The following LRP1B variants were observed in gnomAD, a reference collection of about 807,000 sequenced individuals.
LRP1B encodes low-density lipoprotein receptor-related protein 1B.
In LRP1B, 217 loss-of-function variants were observed where a neutral mutation model predicts 556.6. That is an observed-to-expected ratio of 0.39 (90% confidence interval 0.35 to 0.44). The LOEUF (loss-of-function observed/expected upper bound fraction) is 0.44, where lower values mean the gene tolerates loss of function less well. LRP1B is among the 20% of genes least tolerant of loss of function. The pLI, the probability that LRP1B is intolerant of heterozygous loss-of-function variation, is 1.00. For missense variants in LRP1B, 5,053 were observed against 5,620.8 expected (o/e 0.90, Z 3.23); for synonymous variants, 2,047 against 1,865.8 (o/e 1.10, Z -2.50).
chr2:141,969,733 A>G (rs1701672899), intron 1 of LRP1B, among the ~76,000 whole-genome samples: 1 of 151,644 alleles, frequency 6.6e-6, no homozygotes, highest in Non-Finnish European at 1.5e-5. Context: ...TCTCTTCGAC[A>G]TACTGATTTC....
rs71391651 is a variant in LRP1B, at chr2:141,464,606, A to ATTTTTTTTTTTTTTTTTT, written c.343+15789_343+15790insAAAAAAAAAAAAAAAAAA. Among the ~76,000 whole-genome samples, 396 of 90,364 alleles carry ATTTTTTTTTTTTTTTTTT rather than the reference A, an allele frequency of 4.4e-3. 15 individuals are homozygous for ATTTTTTTTTTTTTTTTTT. Among genetic ancestry groups the ATTTTTTTTTTTTTTTTTT allele is most frequent in the East Asian group, 0.036 (127 of 3,554 alleles). 59.3% of individuals were successfully genotyped at this position (90,364 alleles called of 152,430 possible). The stretch of plus-strand genomic sequence containing the variant: ...TTTGTATATATATATATATATATAT[A>ATTTTTTTTTTTTTTTTTT]TTTTTTTAGTAGAGATGGGGTTTCA... On this transcript the variant is annotated intron_variant, in intron 3 of 90. Coordinates refer to ENST00000389484, the MANE Select transcript of LRP1B (RefSeq NM_018557.3).
At chr2:140,836,693 A>G (rs1233319720) in intron 31 of LRP1B, among the ~76,000 whole-genome samples, 1 of 152,202 alleles carries the variant, frequency 6.6e-6, no homozygotes, top group Non-Finnish European at 1.5e-5. Flanking sequence ...TGGGGCAGAC[A>G]GAGATGTGAC....
chr2:141,298,585 A>T (rs1686274057), intron 3 of LRP1B, among the ~76,000 whole-genome samples: 1 of 152,212 alleles, frequency 6.6e-6, no homozygotes, highest in African/African-American at 2.4e-5. Context: ...AGAAGCTTCT[A>T]ATTTGGAGCC....
chr2:141,763,492 C>T (rs1694630304), intron 2 of LRP1B, among the ~76,000 whole-genome samples: 1 of 152,032 alleles, frequency 6.6e-6, no homozygotes, highest in African/African-American at 2.4e-5. Context: ...AAACAAAATC[C>T]TCAAAAAACA....
chr2:141,693,301 T>C (rs952401656), intron 2 of LRP1B, among the ~76,000 whole-genome samples: 1 of 152,038 alleles, frequency 6.6e-6, no homozygotes, highest in Non-Finnish European at 1.5e-5. Context: ...TGGGCATCAG[T>C]TATCTGGCAA....
intron 66 of LRP1B, among the ~76,000 whole-genome samples, chr2:140,389,622 A>G (rs1374685095): frequency 6.7e-6 from 1 of 149,630 alleles, no homozygotes; most frequent in Non-Finnish European, 1.5e-5. Context: ...GAAAAATTGA[A>G]TAATGCCTAA....
intron 3 of LRP1B, among the ~76,000 whole-genome samples, chr2:141,407,629 T>C (rs562775907): frequency 6.6e-6 from 1 of 152,266 alleles, no homozygotes; most frequent in African/African-American, 2.4e-5. Flanking sequence ...CTCTCTCACT[T>C]GCTCCTGCTT....
At chr2:141,065,199 A>G (rs1340838334) in intron 7 of LRP1B, among the ~76,000 whole-genome samples, 2 of 151,884 alleles carry the variant, frequency 1.3e-5, no homozygotes, top group East Asian at 3.9e-4. Flanking sequence ...TCCGTTGGCT[A>G]TTTTATATAC....
At chr2:140,288,261 A>G (rs1340493953) in intron 84 of LRP1B, among the ~76,000 whole-genome samples, 5 of 151,728 alleles carry the variant, frequency 3.3e-5, no homozygotes, top group Non-Finnish European at 7.4e-5. Flanking sequence ...TATAGCTACA[A>G]AAGAGGTTAT....
At chr2:140,490,383 G>A (rs565747274) in intron 57 of LRP1B, among the ~76,000 whole-genome samples, 1 of 152,106 alleles carries the variant, frequency 6.6e-6, no homozygotes, top group South Asian at 2.1e-4. Flanking sequence ...AGAATATAGA[G>A]GGCAAGAAAA....
intron 4 of LRP1B, among the ~76,000 whole-genome samples, chr2:141,251,558 G>A (rs1041501665): frequency 1.3e-5 from 2 of 152,040 alleles, no homozygotes; most frequent in Non-Finnish European, 1.5e-5. Context: ...GATAGCCAGT[G>A]GAAATGTAGT....
At chr2:140,290,818 G>T (rs1002294359) in intron 84 of LRP1B, among the ~76,000 whole-genome samples, 1 of 152,016 alleles carries the variant, frequency 6.6e-6, no homozygotes, top group African/African-American at 2.4e-5. Context: ...GTCTCTAAAA[G>T]TCGCAGCATG....
intron 7 of LRP1B, among the ~76,000 whole-genome samples, chr2:141,133,286 G>A (rs1008030455): frequency 1.5e-4 from 10 of 67,698 alleles, no homozygotes; most frequent in East Asian, 6.5e-4. Context: ...TACCTGTAAC[G>A]TCTCTTTTTT....
chr2:140,931,899 T>G (rs904292587), intron 20 of LRP1B, among the ~76,000 whole-genome samples: 1 of 152,178 alleles, frequency 6.6e-6, no homozygotes, highest in Admixed American at 6.6e-5. Flanking sequence ...CTGTTTGTAT[T>G]AACCAATCAA....
chr2:142,077,639 G>GT (rs1180933410), intron 1 of LRP1B, among the ~76,000 whole-genome samples: 2 of 152,016 alleles, frequency 1.3e-5, no homozygotes, highest in African/African-American at 2.4e-5. Flanking sequence ...CAAATTCAAA[G>GT]TTTTTTTGAA....
chr2:141,415,178 C>T (rs1270830844), intron 3 of LRP1B, among the ~76,000 whole-genome samples: 1 of 152,152 alleles, frequency 6.6e-6, no homozygotes, highest in African/African-American at 2.4e-5. Context: ...CCACGCCCAG[C>T]TAATTTTTGT....
chr2:141,989,604 C>T (rs1250006895), intron 1 of LRP1B, among the ~76,000 whole-genome samples: 1 of 151,874 alleles, frequency 6.6e-6, no homozygotes, highest in African/African-American at 2.4e-5. Flanking sequence ...TAATAATCAC[C>T]CTGTGTGAGA....
At chr2:141,560,452 T>G (rs947692698) in intron 2 of LRP1B, among the ~76,000 whole-genome samples, 31 of 151,842 alleles carry the variant, frequency 2.0e-4, no homozygotes, top group Admixed American at 1.6e-3. Context: ...CTGTAGACGT[T>G]GCATTTTATT....
At chr2:140,235,817 C>T (rs1424064516) in intron 89 of LRP1B, among the ~76,000 whole-genome samples, 1 of 150,918 alleles carries the variant, frequency 6.6e-6, no homozygotes, top group Admixed American at 6.6e-5. Context: ...GAAAAAATAA[C>T]CCTCCTTCAT....
Sources: allele counts gnomAD v4.1 joint callset (sites outside exome capture counted in the v4.1 genomes callset), GRCh38; gene constraint gnomAD v4.1.1; transcripts MANE v1.5; gene names NCBI Gene and HGNC (gene_info 2026-07-23, HGNC 2026-07-21).